The following ELOC variants were observed in gnomAD, a reference collection of about 807,000 sequenced individuals.
The protein encoded by ELOC is elongin C, also known as elongin-C.
For synonymous variants in ELOC, 40 were observed against 51.3 expected, an observed-to-expected ratio of 0.78 and a Z score of 0.94; for missense variants, 38 against 139.0, an observed-to-expected ratio of 0.27 and a Z score of 3.65.
At chr8:73,958,516 CT>C (rs1358071302) in intron 2 of ELOC, among the ~76,000 whole-genome samples, 1 of 151,908 alleles carries the variant, frequency 6.6e-6, no homozygotes, top group East Asian at 1.9e-4. Context: ...ATGTTAGTAT[CT>C]TTTTTTGTCT....
At chr8:73,969,170 A>G (rs1288553487) in intron 1 of ELOC, among the ~76,000 whole-genome samples, 4 of 152,202 alleles carry the variant, frequency 2.6e-5, no homozygotes, top group African/African-American at 9.6e-5. Context: ...TAGTTATCGA[A>G]CTCAGTAAGT....
At chr8:73,967,150 T>C (rs994275191) in intron 1 of ELOC, among the ~76,000 whole-genome samples, 1 of 152,220 alleles carries the variant, frequency 6.6e-6, no homozygotes, top group African/African-American at 2.4e-5. Flanking sequence ...TTCATTTCTA[T>C]ATGTATCAAG....
At chr8:73,947,689 T>G (rs2131058581) in intron 3 of ELOC, among the ~76,000 whole-genome samples, 1 of 151,952 alleles carries the variant, frequency 6.6e-6, no homozygotes, top group East Asian at 2.0e-4. Context: ...TCCTCCCACC[T>G]CAGCCTCCTC....
rs1244439988 is a variant in ELOC, at chr8:73,958,437, A to G, written c.4+1328T>C. On this transcript the variant is annotated intron_variant, in intron 2 of 3. Coordinates refer to ENST00000520242, the MANE Select transcript of ELOC (RefSeq NM_005648.4). ...AGAATGGAGTTTTGCCAACTCTACA[A>G]TATGAACACACACACATACACACAC... 2.0e-5 allele frequency among the ~76,000 whole-genome samples: 3 copies of G among 152,324 alleles called. No homozygotes were observed. The East Asian group carries it at 5.8e-4, about 29-fold the overall frequency.
At chr8:73,965,180 T>TA (rs199902533) in intron 1 of ELOC, among the ~76,000 whole-genome samples, 112 of 147,000 alleles carry the variant, frequency 7.6e-4, no homozygotes, top group East Asian at 1.2e-3. Context: ...TGTATGTCAA[T>TA]AAAAAAAAAA....
At chr8:73,949,686 A>G (rs891794000) in intron 3 of ELOC, among the ~76,000 whole-genome samples, 1 of 152,218 alleles carries the variant, frequency 6.6e-6, no homozygotes, top group Non-Finnish European at 1.5e-5. Context: ...TCTTTTACTT[A>G]GCATGCTGTC....
In ELOC at chr8:73,946,233, TGGC is replaced by T. The variant is rs1813372955; in HGVS notation, c.*394_*396del. On this transcript the variant is annotated 3_prime_UTR_variant, in exon 4 of 4. Coordinates refer to ENST00000520242, the MANE Select transcript of ELOC (RefSeq NM_005648.4). ...ATTTGCATAACTCTAGTAATGCTAA[TGGC>T]GGCTATAAGATTAGGTTTCTAAAAA... The T allele has an allele frequency of 6.3e-6, 1 of 158,362 alleles. No homozygotes were observed. Among genetic ancestry groups the T allele is most frequent in the Admixed American group, 6.2e-5 (1 of 16,010 alleles). 9.8% of individuals were successfully genotyped at this position (158,362 alleles called of 1,614,324 possible). A position where few individuals can be genotyped will look rare whatever the true frequency, so the allele number is the denominator to read the frequency against.
intron 2 of ELOC, 70 bp downstream of exon 2, chr8:73,959,694 AT>A: frequency 3.7e-6 from 5 of 1,364,728 alleles, no homozygotes; most frequent in Non-Finnish European, 5.0e-6. Flanking sequence ...TGTTCACTGA[AT>A]TTTAAAGATC....
chr8:73,957,923 C>T (rs981193998), intron 2 of ELOC, among the ~76,000 whole-genome samples: 5 of 151,822 alleles, frequency 3.3e-5, no homozygotes, highest in Admixed American at 6.6e-5. Flanking sequence ...GGATTACAGG[C>T]GCCCACCACC....
At chr8:73,969,349 A>G (rs1815205340) in intron 1 of ELOC, among the ~76,000 whole-genome samples, 2 of 152,192 alleles carry the variant, frequency 1.3e-5, no homozygotes, top group African/African-American at 4.8e-5. Context: ...AGCAAAACCC[A>G]TTTGGCTCCA....
chr8:73,958,464 C>T (rs1056750770), intron 2 of ELOC, among the ~76,000 whole-genome samples: 6 of 152,046 alleles, frequency 3.9e-5, no homozygotes, highest in African/African-American at 9.7e-5. Context: ...TACACACACA[C>T]GAAAGCAAAT....
intron 3 of ELOC, among the ~76,000 whole-genome samples, chr8:73,947,802 T>C (rs1271181723): frequency 6.6e-6 from 1 of 152,076 alleles, no homozygotes; most frequent in Non-Finnish European, 1.5e-5. Context: ...CTTGAACTAC[T>C]GGACTCAAGT....
intron 3 of ELOC, among the ~76,000 whole-genome samples, chr8:73,948,960 C>G (rs1813571324): frequency 1.3e-5 from 2 of 152,170 alleles, no homozygotes; most frequent in South Asian, 4.1e-4. Context: ...AACGAGATCT[C>G]TTCACAAGAC....
intron 2 of ELOC, among the ~76,000 whole-genome samples, chr8:73,958,502 A>C (rs923275481): frequency 1.1e-4 from 17 of 152,170 alleles, no homozygotes; most frequent in African/African-American, 2.9e-4. Flanking sequence ...ATCTGGTGAA[A>C]GCTATGTTAG....
intron 3 of ELOC, 72 bp from the exon 4 acceptor site, chr8:73,946,892 C>G: frequency 3.2e-6 from 4 of 1,249,670 alleles, no homozygotes; most frequent in Non-Finnish European, 4.5e-6. Context: ...GAAGTCTTAA[C>G]CCCTTGTACC....
At chr8:73,950,488 T>C (rs537162463) in intron 3 of ELOC, among the ~76,000 whole-genome samples, 1 of 152,140 alleles carries the variant, frequency 6.6e-6, no homozygotes, top group Non-Finnish European at 1.5e-5. Context: ...CCAAATAATA[T>C]CTTATAGGAA....
intron 3 of ELOC, among the ~76,000 whole-genome samples, chr8:73,954,507 T>C (rs1246268359): frequency 6.6e-6 from 1 of 151,622 alleles, no homozygotes; most frequent in Non-Finnish European, 1.5e-5. Flanking sequence ...TACAAAAAAT[T>C]AGCCTGGCGT....
chr8:73,970,812 G>T (rs1815307640), intron 1 of ELOC, among the ~76,000 whole-genome samples: 1 of 150,656 alleles, frequency 6.6e-6, no homozygotes, highest in Admixed American at 6.6e-5. Flanking sequence ...CCTGAGGTCA[G>T]GAGTCCAGCC....
rs969282682 is a variant in ELOC at position 73,946,363 on chromosome 8, A to C, written c.*267T>G. The C allele has an allele frequency of 1.4e-4, 42 of 310,410 alleles. No homozygotes were observed. The highest frequency in any genetic ancestry group is 8.3e-4 in the African/African-American group (39 of 47,194). The allele number at this position is 310,410 out of a possible 1,614,324, so 19.2% of individuals were successfully genotyped here. A position where few individuals can be genotyped will look rare whatever the true frequency, so the allele number is the denominator to read the frequency against. ...TTACTATATCATCATTGCTGATTTT[A>C]AGTCACATTCAAAGGATAAGGCAAA... On this transcript the variant is annotated 3_prime_UTR_variant, in exon 4 of 4. Transcript: ENST00000520242.
Sources: allele counts gnomAD v4.1 joint callset (sites outside exome capture counted in the v4.1 genomes callset), GRCh38; gene constraint gnomAD v4.1.1; transcripts MANE v1.5; gene names NCBI Gene and HGNC (gene_info 2026-07-23, HGNC 2026-07-21).